Variants in C2orf42 observed in about 807,000 individuals in gnomAD.
C2orf42 encodes the protein chromosome 2 open reading frame 42.
Under a neutral mutation model 58.9 loss-of-function variants are expected in C2orf42, and 44 were observed. The observed-to-expected ratio is 0.75, with a 90% CI of 0.59 to 0.96. The LOEUF (loss-of-function observed/expected upper bound fraction) is 0.96, where lower values mean the gene tolerates loss of function less well. Among genes scored for constraint, C2orf42 ranks in the 40% least tolerant of loss-of-function variants. The pLI is 0.00. For synonymous variants in C2orf42, 239 were observed against 265.4 expected (o/e 0.90, Z 0.97); for missense variants, 630 against 699.2 (o/e 0.90, Z 1.12).
rs1674613815 is a variant in C2orf42 at position 70,182,010 on chromosome 2, A to G, written c.-12-13T>C. 2 of 1,276,938 alleles carry G rather than the reference A, an allele frequency of 1.6e-6. No individual in the cohort carries two copies. The highest frequency in any genetic ancestry group is 2.3e-5 in the East Asian group (1 of 43,216). 79.1% of individuals were successfully genotyped at this position (1,276,938 alleles called of 1,614,324 possible). A position where few individuals can be genotyped will look rare whatever the true frequency, so the allele number is the denominator to read the frequency against. On this transcript the variant is annotated splice_polypyrimidine_tract_variant and intron_variant, in intron 2 of 9. Transcript: ENST00000264434. ...TTTTTCAGAGGCCCTACAAAAGACA[A>G]TACATCCAACAGTATGAGTATACCT... is the stretch of plus-strand genomic sequence containing the variant.
At position 70,164,524 on chromosome 2, in the gene C2orf42, C is replaced by T. The variant is rs569459341; in HGVS notation, c.1353+568G>A. ...GCACGTGCCTGTAATCCCAGCTAGC[C>T]GGGGGGCTGAGGCAAGGGAATTGCT... is the stretch of plus-strand genomic sequence containing the variant. On this transcript the variant is annotated intron_variant, in intron 8 of 9. Coordinates refer to ENST00000264434, the MANE Select transcript of C2orf42 (RefSeq NM_017880.3). Among the ~76,000 whole-genome samples the T allele has an allele frequency of 1.2e-3, 184 of 151,780 alleles. 1 individual carries two copies. The highest frequency in any genetic ancestry group is 3.4e-3 in the Middle Eastern group (1 of 292).
At chr2:70,172,630 G>A (rs1049679661) in intron 5 of C2orf42, among the ~76,000 whole-genome samples, 2 of 152,262 alleles carry the variant, frequency 1.3e-5, no homozygotes, top group East Asian at 1.9e-4. Context: ...CTGTATCCCC[G>A]CCACTGCGCT....
At chr2:70,177,304 G>C (rs1674258972) in intron 4 of C2orf42, among the ~76,000 whole-genome samples, 1 of 151,896 alleles carries the variant, frequency 6.6e-6, no homozygotes, top group Admixed American at 6.6e-5. Flanking sequence ...GCCAAGCGTG[G>C]TGGCAGGAGC....
intron 9 of C2orf42, among the ~76,000 whole-genome samples, chr2:70,156,606 T>C (rs1454382154): frequency 6.6e-6 from 1 of 152,050 alleles, no homozygotes; most frequent in Non-Finnish European, 1.5e-5. Flanking sequence ...ATGCCTGTAA[T>C]CTCAGCACTT....
In C2orf42 at chr2:70,181,857, C is replaced by G. The variant is rs1268524352; in HGVS notation, c.129G>C (p.Lys43Asn). 6.2e-7 allele frequency: 1 copy of G among 1,614,112 alleles called. No individual in the cohort carries two copies. Among genetic ancestry groups the G allele is most frequent in the East Asian group, 2.2e-5 (1 of 44,876 alleles). The part of the protein sequence containing the change: ...TYNGTRGLSC[K>N]NKTCGTIFRY... ...GGAATATGGTTCCACATGTCTTGTTCTTACAGCTCAGTCCCCGGGTTCCAT... is the reference window on the plus strand; with the variant it reads ...GGAATATGGTTCCACATGTCTTGTTGTTACAGCTCAGTCCCCGGGTTCCAT... Residue 43 changes from lysine to asparagine, a missense_variant, in exon 3 of 10, where the codon AAG becomes AAC. Physicochemically the swap from Lys to Asn is moderately conservative, Grantham distance 94. Transcript: ENST00000264434.
rs1432841427 is a variant in C2orf42 at position 70,179,554 on chromosome 2, C to T, written c.912G>A (p.Lys304=). 1 of 1,519,538 alleles carries T rather than the reference C, an allele frequency of 6.6e-7. No homozygotes were observed. Among genetic ancestry groups the T allele is most frequent in the South Asian group, 1.1e-5 (1 of 88,476 alleles). 94.1% of individuals were successfully genotyped at this position (1,519,538 alleles called of 1,614,324 possible). The change falls in exon 4 of 10, where the codon AAG becomes AAA. Residue 304 remains lysine, a synonymous_variant. Coordinates refer to ENST00000264434, the MANE Select transcript of C2orf42 (RefSeq NM_017880.3). ...ACESTASKSK[K]RRKDEVSGAQ... is the part of the protein sequence containing the mutation. ...TACCAGATACTTCATCCTTTCTCCT[C>T]TTCTTTGACTTAGAGGCAGTAGACT...
chr2:70,168,053 T>C (rs111821415), intron 6 of C2orf42, among the ~76,000 whole-genome samples: 34,523 of 151,636 alleles, frequency 0.23, 5,526 homozygotes, highest in African/African-American at 0.42. Flanking sequence ...GTTAACATGG[T>C]GAAACCCCAT....
Position 70,172,847 on chromosome 2 carries a change from C to T in C2orf42, c.1039+2826G>A, listed in dbSNP as rs1477825851. ...TTGAAGCTACCTTCCTTTTTCTTTG[C>T]ACCAAAGGAAGTGACAAAAAATTAT... On this transcript the variant is annotated intron_variant, in intron 5 of 9. Transcript: ENST00000264434. Among the ~76,000 whole-genome samples, 3 of 152,138 alleles carry T rather than the reference C, an allele frequency of 2.0e-5. No individual in the cohort carries two copies. In the East Asian group the frequency reaches 5.8e-4, roughly 29 times the overall value.
intron 5 of C2orf42, among the ~76,000 whole-genome samples, chr2:70,173,109 A>C (rs1042828499): frequency 6.6e-6 from 1 of 151,584 alleles, no homozygotes; most frequent in Non-Finnish European, 1.5e-5. Context: ...GTGAGCTGAG[A>C]TCACGCCATT....
intron 9 of C2orf42, among the ~76,000 whole-genome samples, chr2:70,152,112 C>T (rs1672350362): frequency 6.6e-6 from 1 of 152,102 alleles, no homozygotes; most frequent in African/African-American, 2.4e-5. Context: ...GTTACTCTCC[C>T]TCCACTTTAG....
chr2:70,160,884 CTTG>C (rs1182906912), intron 8 of C2orf42, 97 bp from the exon 9 acceptor site: 6 of 757,948 alleles, frequency 7.9e-6, no homozygotes, highest in African/African-American at 1.8e-5. Context: ...TTCCTTCTTT[CTTG>C]TTAAGTATAT....
rs1558681373 is a variant in C2orf42, at chr2:70,179,574, T to C, written c.892A>G (p.Thr298Ala). 1.3e-6 allele frequency: 2 copies of C among 1,569,154 alleles called. No homozygotes were observed. Among genetic ancestry groups the C allele is most frequent in the Non-Finnish European group, 8.8e-7 (1 of 1,139,772 alleles). The change falls in exon 4 of 10, where the codon ACT becomes GCT. Residue 298 changes from threonine (T) to alanine (A), a missense_variant. Coordinates refer to ENST00000264434, the MANE Select transcript of C2orf42 (RefSeq NM_017880.3). ...CTCCTCTTCTTTGACTTAGAGGCAG[T>C]AGACTCACAAGCAGATACTGTTGAT... ...SESTVSACES[T>A]ASKSKKRRKD...
intron 1 of C2orf42, among the ~76,000 whole-genome samples, chr2:70,183,266 A>C (rs1674695736): frequency 6.6e-6 from 1 of 152,022 alleles, no homozygotes; most frequent in South Asian, 2.1e-4. Context: ...GTGAGACCTC[A>C]TTTCTATAAA....
rs1672215222 is a variant in C2orf42 at position 70,150,148 on chromosome 2, A to G, written c.*208T>C. 2 of 588,052 alleles carry G rather than the reference A, an allele frequency of 3.4e-6. No individual in the cohort carries two copies. The highest frequency in any genetic ancestry group is 2.1e-5 in the South Asian group (1 of 48,616). 36.4% of individuals were successfully genotyped at this position (588,052 alleles called of 1,614,324 possible). On this transcript the variant is annotated 3_prime_UTR_variant, in exon 10 of 10. Coordinates refer to ENST00000264434, the MANE Select transcript of C2orf42 (RefSeq NM_017880.3). Reference sequence around the variant, plus strand: ...TAGCCAGAAATACTGCCCAATGCATAATGAAGACTGTACACAGCAGCATCA... The same window carrying G: ...TAGCCAGAAATACTGCCCAATGCATGATGAAGACTGTACACAGCAGCATCA...
intron 5 of C2orf42, among the ~76,000 whole-genome samples, chr2:70,173,118 T>C (rs1417515968): frequency 6.6e-6 from 1 of 151,292 alleles, no homozygotes; most frequent in African/African-American, 2.4e-5. Context: ...GATCACGCCA[T>C]TGCACTCCAG....
intron 9 of C2orf42, among the ~76,000 whole-genome samples, chr2:70,154,805 G>A (rs1263355451): frequency 6.6e-6 from 1 of 151,932 alleles, no homozygotes; most frequent in Non-Finnish European, 1.5e-5. Flanking sequence ...ACCTAGGCTG[G>A]AGCGTAGTGA....
At chr2:70,163,907 C>G (rs1218970081) in intron 8 of C2orf42, among the ~76,000 whole-genome samples, 1 of 151,966 alleles carries the variant, frequency 6.6e-6, no homozygotes, top group East Asian at 1.9e-4. Flanking sequence ...AGGCAGATTA[C>G]ACCTGTAATC....
At chr2:70,172,235 A>G (rs1673874500) in intron 5 of C2orf42, among the ~76,000 whole-genome samples, 1 of 151,250 alleles carries the variant, frequency 6.6e-6, no homozygotes, top group African/African-American at 2.4e-5. Flanking sequence ...AAAAAAAAAA[A>G]AAAAAAAAGG....
chr2:70,158,271 C>G (rs116752443), intron 9 of C2orf42, among the ~76,000 whole-genome samples: 3,746 of 150,386 alleles, frequency 0.025, 158 homozygotes, highest in African/African-American at 0.087. Flanking sequence ...AAATTGGAAA[C>G]TAAGAATATG....
Sources: gnomAD v4.1 joint callset for allele counts (sites outside exome capture counted in the v4.1 genomes callset) on GRCh38, gnomAD v4.1.1 for gene constraint, MANE v1.5 for transcripts, NCBI Gene and HGNC (gene_info 2026-07-23, HGNC 2026-07-21) for gene names.